Variants in UVRAG observed in about 807,000 individuals in gnomAD.
UVRAG encodes the protein UV radiation resistance-associated gene protein.
UVRAG carries 19 observed loss-of-function variants against 78.0 expected under a neutral mutation model. The observed-to-expected ratio is 0.24, with a 90% confidence interval of 0.17 to 0.36. UVRAG has a LOEUF of 0.36. Ranked by LOEUF, UVRAG falls within the 10% of genes least tolerant of loss-of-function variation. The pLI is 1.00. For synonymous variants in UVRAG, 323 were observed against 324.6 expected (o/e 1.00, Z 0.05); for missense variants, 740 against 853.8 (o/e 0.87, Z 1.66).
At chr11:75,901,958 C>G (rs1030536130) in intron 5 of UVRAG, among the ~76,000 whole-genome samples, 1 of 152,218 alleles carries the variant, frequency 6.6e-6, no homozygotes, top group Non-Finnish European at 1.5e-5. Flanking sequence ...TTTCCCTCTT[C>G]ACTGACCCTT....
At chr11:75,985,226 T>C (rs1949476284) in intron 8 of UVRAG, among the ~76,000 whole-genome samples, 1 of 151,852 alleles carries the variant, frequency 6.6e-6, no homozygotes, top group Admixed American at 6.6e-5. Flanking sequence ...AGCCTTTCTG[T>C]TGGATATGTT....
At chr11:76,132,764 A>G (rs1952534871) in intron 14 of UVRAG, among the ~76,000 whole-genome samples, 1 of 152,184 alleles carries the variant, frequency 6.6e-6, no homozygotes, top group South Asian at 2.1e-4. Context: ...CACAAACTTA[A>G]TGTAGGCAGG....
chr11:76,060,474 G>C (rs549094353), intron 12 of UVRAG, among the ~76,000 whole-genome samples: 2 of 152,370 alleles, frequency 1.3e-5, no homozygotes, highest in East Asian at 1.9e-4. Flanking sequence ...CACTTGAGGA[G>C]CCCTTCAGCC....
rs548441288 is a variant in UVRAG, at chr11:76,017,309, A to G, written c.1226+329A>G. Reference sequence around the variant, plus strand: ...ACCTCTTGCCTGCCACTCAACAAGTAAAATGTTAAAAGATTTGTCAGAGAT... The same window carrying G: ...ACCTCTTGCCTGCCACTCAACAAGTGAAATGTTAAAAGATTTGTCAGAGAT... On this transcript the variant is annotated intron_variant, in intron 12 of 14. Transcript: ENST00000356136. Among the ~76,000 whole-genome samples the G allele has an allele frequency of 3.9e-3, 600 of 152,292 alleles. 2 individuals are homozygous for G. The highest frequency in any genetic ancestry group is 0.013 in the African/African-American group (550 of 41,572).
At chr11:76,126,987 T>G (rs1486536427) in intron 14 of UVRAG, among the ~76,000 whole-genome samples, 1 of 152,172 alleles carries the variant, frequency 6.6e-6, no homozygotes, top group Non-Finnish European at 1.5e-5. Context: ...GCCAATCAAA[T>G]ACAACCTCCT....
At chr11:75,872,046 T>C (rs1590956488) in intron 3 of UVRAG, among the ~76,000 whole-genome samples, 1 of 152,358 alleles carries the variant, frequency 6.6e-6, no homozygotes, top group Admixed American at 6.5e-5. Context: ...TGATGGGATA[T>C]ATTTGATCTA....
chr11:76,110,400 T>G (rs1952049385), intron 13 of UVRAG, among the ~76,000 whole-genome samples: 1 of 152,148 alleles, frequency 6.6e-6, no homozygotes, highest in South Asian at 2.1e-4. Flanking sequence ...AGTGACTTAT[T>G]CAAAGTCAAA....
chr11:75,984,810 C>T (rs1401505663), intron 8 of UVRAG, among the ~76,000 whole-genome samples: 2 of 152,118 alleles, frequency 1.3e-5, no homozygotes, highest in Non-Finnish European at 2.9e-5. Flanking sequence ...CATGTGGTTG[C>T]AGTTTGTTCG....
intron 11 of UVRAG, among the ~76,000 whole-genome samples, chr11:76,009,111 C>T (rs985118663): frequency 2.0e-4 from 31 of 152,160 alleles, no homozygotes; most frequent in African/African-American, 7.5e-4. Context: ...GGGCTTTAAG[C>T]AAATTAGACA....
At chr11:76,086,539 A>T (rs1951591869) in intron 13 of UVRAG, among the ~76,000 whole-genome samples, 1 of 152,168 alleles carries the variant, frequency 6.6e-6, no homozygotes, top group African/African-American at 2.4e-5. Context: ...TGTTAACATG[A>T]TGTAGTAGAC....
intron 1 of UVRAG, among the ~76,000 whole-genome samples, chr11:75,832,531 G>A (rs73489943): frequency 0.051 from 7,718 of 152,260 alleles, 674 homozygotes; most frequent in African/African-American, 0.18. Flanking sequence ...GAGCTTCCAT[G>A]CCCTCTCTGG....
At chr11:75,858,049 A>G (rs1480154117) in intron 2 of UVRAG, among the ~76,000 whole-genome samples, 1 of 151,966 alleles carries the variant, frequency 6.6e-6, no homozygotes, top group African/African-American at 2.4e-5. Flanking sequence ...ACTTTTGCTT[A>G]TTGCTCTGTC....
intron 13 of UVRAG, among the ~76,000 whole-genome samples, chr11:76,070,569 T>C (rs1237881317): frequency 6.6e-6 from 1 of 152,192 alleles, no homozygotes; most frequent in Non-Finnish European, 1.5e-5. Context: ...ACCCCTTAAA[T>C]TGATACAATA....
chr11:76,135,222 T>G (rs934517928), intron 14 of UVRAG, among the ~76,000 whole-genome samples: 1 of 152,200 alleles, frequency 6.6e-6, no homozygotes, highest in Non-Finnish European at 1.5e-5. Flanking sequence ...TAACTCCATA[T>G]AGGTGGGATC....
At chr11:76,092,085 G>T (rs1951710039) in intron 13 of UVRAG, among the ~76,000 whole-genome samples, 1 of 152,030 alleles carries the variant, frequency 6.6e-6, no homozygotes, top group South Asian at 2.1e-4. Flanking sequence ...ACATGCTGTG[G>T]TGTTTGGTTT....
intron 5 of UVRAG, among the ~76,000 whole-genome samples, chr11:75,904,139 A>G (rs1947566631): frequency 6.6e-6 from 1 of 152,246 alleles, no homozygotes; most frequent in Non-Finnish European, 1.5e-5. Flanking sequence ...TAAAACATTT[A>G]CTATGTGGCC....
chr11:75,971,381 G>A (rs994275132), intron 7 of UVRAG, among the ~76,000 whole-genome samples: 2 of 152,212 alleles, frequency 1.3e-5, no homozygotes, highest in African/African-American at 2.4e-5. Flanking sequence ...TTGCTAGATT[G>A]TATAGTAAGA....
At chr11:76,135,487 C>CA (rs1952584319) in intron 14 of UVRAG, among the ~76,000 whole-genome samples, 1 of 152,146 alleles carries the variant, frequency 6.6e-6, no homozygotes, top group Admixed American at 6.5e-5. Context: ...TTTGTGACCC[C>CA]AGGAAATACT....
chr11:75,830,959 C>T (rs916575374), intron 1 of UVRAG, among the ~76,000 whole-genome samples: 9 of 152,072 alleles, frequency 5.9e-5, no homozygotes, highest in African/African-American at 1.9e-4. Flanking sequence ...AGTTAGGCAA[C>T]CTAGAAGTTA....
Sources: allele counts gnomAD v4.1 joint callset (sites outside exome capture counted in the v4.1 genomes callset), GRCh38; gene constraint gnomAD v4.1.1; transcripts MANE v1.5; gene names NCBI Gene and HGNC (gene_info 2026-07-23, HGNC 2026-07-21).